Variants in DDX10 observed in about 807,000 individuals in gnomAD.
The protein encoded by DDX10 is DEAD-box helicase 10.
In DDX10, 74 loss-of-function variants were observed where a neutral mutation model predicts 104.3. The observed-to-expected ratio is 0.71, with a 90% CI of 0.59 to 0.86. The LOEUF is 0.86. Among genes scored for constraint, DDX10 ranks in the 40% least tolerant of loss-of-function variants. The pLI is 0.00. For missense variants in DDX10, 952 were observed against 1,040.0 expected (o/e 0.92, Z 1.16); for synonymous variants, 351 against 353.4 (o/e 0.99, Z 0.08).
intron 16 of DDX10, among the ~76,000 whole-genome samples, chr11:108,863,163 G>A (rs1297069096): frequency 6.6e-6 from 1 of 152,042 alleles, no homozygotes; most frequent in African/African-American, 2.4e-5. Flanking sequence ...CCTCTGTAAC[G>A]TACCTGGACT....
At chr11:108,701,272 T>C (rs1206325989) in intron 9 of DDX10, among the ~76,000 whole-genome samples, 1 of 152,166 alleles carries the variant, frequency 6.6e-6, no homozygotes, top group Non-Finnish European at 1.5e-5. Flanking sequence ...ATGGCTGTCT[T>C]TCTGCACCTG....
intron 5 of DDX10, among the ~76,000 whole-genome samples, 153 bp downstream of exon 5, chr11:108,678,588 T>C (rs1289301181): frequency 6.6e-6 from 1 of 152,168 alleles, no homozygotes; most frequent in Non-Finnish European, 1.5e-5. Flanking sequence ...ATTTGGGCTC[T>C]AAACCCAGAA....
At chr11:108,802,851 A>AT (rs1862042189) in intron 13 of DDX10, among the ~76,000 whole-genome samples, 1 of 152,218 alleles carries the variant, frequency 6.6e-6, no homozygotes, top group South Asian at 2.1e-4. Context: ...AACCAATTTT[A>AT]TATGTGGAAA....
chr11:108,930,997 C>T (rs1863969199), intron 17 of DDX10, among the ~76,000 whole-genome samples: 2 of 152,164 alleles, frequency 1.3e-5, no homozygotes, highest in Admixed American at 1.3e-4. Flanking sequence ...AACAGGGACC[C>T]AGAACCTCTC....
At chr11:108,671,883 C>T (rs2094217478) in intron 1 of DDX10, among the ~76,000 whole-genome samples, 1 of 151,858 alleles carries the variant, frequency 6.6e-6, no homozygotes, top group South Asian at 2.1e-4. Flanking sequence ...CACGATGAAA[C>T]CCCGTCTCTA....
chr11:108,692,008 T>C lies in DDX10; in HGVS notation c.1108T>C (p.Phe370Leu). 1 of 1,612,140 alleles carries C rather than the reference T, an allele frequency of 6.2e-7. No homozygotes were observed. Among genetic ancestry groups the C allele is most frequent in the Non-Finnish European group, 8.5e-7 (1 of 1,179,156 alleles). The change falls in exon 8 of 18, where the codon TTT becomes CTT. Residue 370 changes from phenylalanine (F) to leucine (L), a missense_variant. Coordinates refer to ENST00000322536, the MANE Select transcript of DDX10 (RefSeq NM_004398.4). ...EFVRKRAAVL[F>L]ATDIAARGLD... Reference sequence around the variant, plus strand: ...TGTCCGTAAGAGAGCTGCAGTACTCTTTGCTACTGATATTGCAGCCAGGGG... The same window carrying C: ...TGTCCGTAAGAGAGCTGCAGTACTCCTTGCTACTGATATTGCAGCCAGGGG...
intron 13 of DDX10, among the ~76,000 whole-genome samples, chr11:108,798,048 C>A (rs1861970435): frequency 6.6e-6 from 1 of 152,178 alleles, no homozygotes. Context: ...TCACTTGACT[C>A]CCTATTTTCT....
chr11:108,736,453 A>G (rs1692583723), intron 13 of DDX10, among the ~76,000 whole-genome samples: 1 of 152,106 alleles, frequency 6.6e-6, no homozygotes, highest in African/African-American at 2.4e-5. Context: ...TATAAGTGAT[A>G]CCACCGAAGT....
chr11:108,770,053 G>A (rs1263689249), intron 13 of DDX10, among the ~76,000 whole-genome samples: 1 of 152,202 alleles, frequency 6.6e-6, no homozygotes, highest in Non-Finnish European at 1.5e-5. Flanking sequence ...TCAATCTGTT[G>A]CAACATGTTT....
chr11:108,915,507 T>C (rs1863736455), intron 16 of DDX10, among the ~76,000 whole-genome samples: 1 of 151,780 alleles, frequency 6.6e-6, no homozygotes, highest in Non-Finnish European at 1.5e-5. Context: ...AATGTGACTT[T>C]AAAAAAATTA....
chr11:108,702,871 T>C (rs2094270441), intron 9 of DDX10, among the ~76,000 whole-genome samples: 1 of 152,252 alleles, frequency 6.6e-6, no homozygotes, highest in South Asian at 2.1e-4. Context: ...TCTTGGGCTC[T>C]CAGAAATACT....
intron 16 of DDX10, among the ~76,000 whole-genome samples, chr11:108,864,139 A>T (rs532963316): frequency 1.3e-3 from 195 of 152,334 alleles, no homozygotes; most frequent in Non-Finnish European, 2.2e-3. Context: ...ACATTAAAAA[A>T]TGTGAGCCAT....
chr11:108,770,741 A>G lies in DDX10; in HGVS notation c.1965+47279A>G, dbSNP rs969355428. ...CACTAGTACTCCATTGTGCATATGT[A>G]CCTCATTTTTTTTTTTAATCCATTC... On this transcript the variant is annotated intron_variant, in intron 13 of 17. Transcript: ENST00000322536. 9.0e-4 allele frequency among the ~76,000 whole-genome samples: 135 copies of G among 149,692 alleles called. 1 individual carries two copies. Among genetic ancestry groups the G allele is most frequent in the African/African-American group, 3.2e-3 (132 of 40,636 alleles).
intron 16 of DDX10, among the ~76,000 whole-genome samples, chr11:108,871,924 G>A (rs1334339373): frequency 2.6e-4 from 19 of 72,710 alleles, no homozygotes; most frequent in Non-Finnish European, 4.8e-4. Flanking sequence ...GCGAAATTCT[G>A]CCTCAAAAAA....
At chr11:108,792,499 C>A (rs1245042882) in intron 13 of DDX10, among the ~76,000 whole-genome samples, 2 of 152,266 alleles carry the variant, frequency 1.3e-5, no homozygotes, top group Non-Finnish European at 2.9e-5. Flanking sequence ...GTTTTAGCAA[C>A]ATTTATTGAA....
intron 6 of DDX10, among the ~76,000 whole-genome samples, chr11:108,683,376 T>C (rs996894179): frequency 3.3e-5 from 5 of 152,216 alleles, no homozygotes; most frequent in Admixed American, 6.5e-5. Flanking sequence ...CTGATGTGTT[T>C]AGGCTTAAGG....
intron 17 of DDX10, among the ~76,000 whole-genome samples, chr11:108,939,509 T>C (rs1864078073): frequency 6.6e-6 from 1 of 152,250 alleles, no homozygotes; most frequent in African/African-American, 2.4e-5. Flanking sequence ...TATTTTGTTT[T>C]AATCATATAT....
intron 16 of DDX10, among the ~76,000 whole-genome samples, chr11:108,903,465 T>C (rs1863545578): frequency 1.3e-5 from 2 of 152,144 alleles, no homozygotes; most frequent in Admixed American, 6.6e-5. Flanking sequence ...CAAACAGACA[T>C]GAATGAAAAA....
intron 6 of DDX10, among the ~76,000 whole-genome samples, chr11:108,681,653 T>C (rs2094235415): frequency 6.6e-6 from 1 of 152,234 alleles, no homozygotes; most frequent in Non-Finnish European, 1.5e-5. Context: ...AGAGCATACT[T>C]AGAAAAAGTA....
Sources: allele counts gnomAD v4.1 joint callset (sites outside exome capture counted in the v4.1 genomes callset), GRCh38; gene constraint gnomAD v4.1.1; transcripts MANE v1.5; gene names NCBI Gene and HGNC (gene_info 2026-07-23, HGNC 2026-07-21).